The following PITRM1 variants were observed in gnomAD, a reference collection of about 807,000 sequenced individuals.
The protein encoded by PITRM1 is pitrilysin metallopeptidase 1.
Under a neutral mutation model 129.9 loss-of-function variants are expected in PITRM1, and 100 were observed. The ratio of observed to expected loss-of-function variants is 0.77; its 90% CI spans 0.65 to 0.91. PITRM1 has a LOEUF of 0.91. PITRM1 is among the 40% of genes least tolerant of loss of function. PITRM1 has a pLI of 0.00. For synonymous variants in PITRM1, 591 were observed against 508.8 expected (o/e 1.16, Z -2.17); for missense variants, 1,471 against 1,318.3 (o/e 1.12, Z -1.79).
At chr10:3,143,532 GTGC>G in intron 22 of PITRM1, 31 bp from the exon 23 acceptor site, 1 of 1,470,878 alleles carries the variant, frequency 6.8e-7, no homozygotes. Context: ...AGAGGCGGCT[GTGC>G]TGCCATGCAC....
At chr10:3,139,615 G>A (rs1383727721) in intron 24 of PITRM1, among the ~76,000 whole-genome samples, 1 of 152,232 alleles carries the variant, frequency 6.6e-6, no homozygotes, top group Non-Finnish European at 1.5e-5. Context: ...GAACTCATCA[G>A]AGTGGCAATG....
intron 15 of PITRM1, among the ~76,000 whole-genome samples, chr10:3,150,318 A>C (rs1841383134): frequency 2.0e-5 from 3 of 152,222 alleles, no homozygotes; most frequent in Non-Finnish European, 2.9e-5. Context: ...CACTCTTAGC[A>C]AACACTTAAT....
intron 2 of PITRM1, among the ~76,000 whole-genome samples, chr10:3,168,915 TACACACACACACACAC>T (rs61366911): frequency 0.012 from 1,748 of 142,902 alleles, 14 homozygotes; most frequent in Middle Eastern, 0.038. Context: ...AGTTTCCATC[TACACACACACACACAC>T]ACACACACAC....
In PITRM1 at chr10:3,138,332, C is replaced by T; in HGVS notation, c.2923G>A (p.Asp975Asn). ...APVAPSDKGMDHFLYGLSDEM... is the reference protein window; with the variant it reads ...APVAPSDKGMNHFLYGLSDEM... ...TCCGAGAGGCCGTACAAGAAGTGGT[C>T]CATTCCTAGAAGACAATCCACAGGC... Residue 975 changes from aspartate to asparagine, a missense_variant, in exon 26 of 27, where the codon GAC becomes AAC. Physicochemically the swap from Asp to Asn is conservative, Grantham distance 23. Coordinates refer to ENST00000224949, the MANE Select transcript of PITRM1 (RefSeq NM_014889.4). 1 of 1,611,752 alleles carries T rather than the reference C, an allele frequency of 6.2e-7. No individual in the cohort carries two copies. Among genetic ancestry groups the T allele is most frequent in the South Asian group, 1.1e-5 (1 of 91,046 alleles).
Position 3,172,712 on chromosome 10 carries a change from C to T in PITRM1, c.56+5G>A. 6.5e-7 allele frequency: 1 copy of T among 1,538,932 alleles called. No individual in the cohort carries two copies. The highest frequency in any genetic ancestry group is 8.7e-7 in the Non-Finnish European group (1 of 1,143,192). On this transcript the variant is annotated splice_donor_5th_base_variant and intron_variant, in intron 1 of 26. Coordinates refer to ENST00000224949, the MANE Select transcript of PITRM1 (RefSeq NM_014889.4). The stretch of plus-strand genomic sequence containing the variant: ...CGCCGAGCGCCTCCCGTCGCAGCGT[C>T]TCACCCGCCGCTCAGCCGCCTCAGC...
intron 14 of PITRM1, among the ~76,000 whole-genome samples, chr10:3,151,576 T>C (rs1370903277): frequency 6.6e-6 from 1 of 152,244 alleles, no homozygotes; most frequent in East Asian, 1.9e-4. Context: ...GCCCTTTTCC[T>C]AATTCTCATT....
chr10:3,166,914 G>A lies in PITRM1; in HGVS notation c.266+22C>T, dbSNP rs779824290. 17 of 1,379,062 alleles carry A rather than the reference G, an allele frequency of 1.2e-5. No individual in the cohort carries two copies. The South Asian group carries it at 2.0e-4, about 16-fold the overall frequency. The allele number at this position is 1,379,062 out of a possible 1,614,324, so 85.4% of individuals were successfully genotyped here. A position where few individuals can be genotyped will look rare whatever the true frequency, so the allele number is the denominator to read the frequency against. ...TTTAAATAAAAACATTCAAGACCAT[G>A]TTCTTACAATGCACCACACACCTGA... On this transcript the variant is annotated intron_variant, in intron 3 of 26. Coordinates refer to ENST00000224949, the MANE Select transcript of PITRM1 (RefSeq NM_014889.4).
chr10:3,138,400 A>C (rs1839805875), intron 25 of PITRM1, 63 bp from the exon 26 acceptor site: 1 of 1,093,884 alleles, frequency 9.1e-7, no homozygotes, highest in African/African-American at 1.5e-5. Context: ...TGGGCTGTGC[A>C]CTCATGTCCC....
chr10:3,168,958 ACAC>A (rs1843116893), intron 2 of PITRM1, among the ~76,000 whole-genome samples: 2 of 83,866 alleles, frequency 2.4e-5, no homozygotes. Flanking sequence ...ACACACACAC[ACAC>A]ACACAATTAG....
intron 15 of PITRM1, among the ~76,000 whole-genome samples, chr10:3,150,013 G>GT (rs1367048939): frequency 6.6e-6 from 1 of 152,104 alleles, no homozygotes; most frequent in Non-Finnish European, 1.5e-5. Flanking sequence ...GCGAGTTCCA[G>GT]TTACCCAACC....
intron 13 of PITRM1, among the ~76,000 whole-genome samples, chr10:3,156,034 T>C (rs954177471): frequency 2.0e-5 from 3 of 152,224 alleles, no homozygotes; most frequent in African/African-American, 7.2e-5. Context: ...TTTCATTACA[T>C]CTTAGTTGTA....
chr10:3,158,243 C>A, intron 10 of PITRM1, 90 bp from the exon 11 acceptor site: 1 of 743,628 alleles, frequency 1.3e-6, no homozygotes. Context: ...CAGAACGAAG[C>A]GCCTTAAACT....
rs370518108 is a variant in PITRM1 at position 3,159,965 on chromosome 10, GCA to G, written c.919-31_919-30del. Reference sequence around the variant, plus strand: ...TAAAATGACGTGACGTTGTGAGTAGGCACAGTGTCTGACGGTTGTCAACTACT... The same window carrying G: ...TAAAATGACGTGACGTTGTGAGTAGGCAGTGTCTGACGGTTGTCAACTACT... On this transcript the variant is annotated intron_variant, in intron 8 of 26. Coordinates refer to ENST00000224949, the MANE Select transcript of PITRM1 (RefSeq NM_014889.4). 2.4e-4 allele frequency: 362 copies of G among 1,484,248 alleles called. 1 individual carries two copies. In the African/African-American group the frequency reaches 3.8e-3, roughly 16 times the overall value. 91.9% of individuals were successfully genotyped at this position (1,484,248 alleles called of 1,614,324 possible). A position where few individuals can be genotyped will look rare whatever the true frequency, so the allele number is the denominator to read the frequency against.
At chr10:3,148,956 G>A (rs1841221563) in intron 16 of PITRM1, 1 of 152,354 alleles carries the variant, frequency 6.6e-6, no homozygotes, top group African/African-American at 2.4e-5. Flanking sequence ...CCAGGGTGCA[G>A]AAGGTGTCAC....
At chr10:3,165,873 C>G (rs1297337135) in intron 4 of PITRM1, among the ~76,000 whole-genome samples, 1 of 152,242 alleles carries the variant, frequency 6.6e-6, no homozygotes, top group Non-Finnish European at 1.5e-5. Context: ...TGTCACTCCC[C>G]CACAGAATGC....
intron 23 of PITRM1, chr10:3,141,701 C>A: frequency 2.1e-6 from 1 of 469,688 alleles, no homozygotes; most frequent in Non-Finnish European, 4.4e-6. Flanking sequence ...GTGGTGAGAT[C>A]AGCCCCAGGT....
intron 1 of PITRM1, among the ~76,000 whole-genome samples, chr10:3,170,958 CGGAAAAAAA>C (rs1244885105): frequency 6.6e-6 from 1 of 150,588 alleles, no homozygotes; most frequent in Admixed American, 6.6e-5. Flanking sequence ...GCAAGACTGT[CGGAAAAAAA>C]AGAAAAAAAT....
At chr10:3,167,524 C>G (rs930163194) in intron 2 of PITRM1, among the ~76,000 whole-genome samples, 3 of 152,184 alleles carry the variant, frequency 2.0e-5, no homozygotes, top group African/African-American at 7.2e-5. Flanking sequence ...GTCTGCCCTT[C>G]CCATGGTACC....
intron 19 of PITRM1, 21 bp from the exon 20 acceptor site, chr10:3,147,271 TCA>T (rs749050440): frequency 1.3e-6 from 2 of 1,549,592 alleles, no homozygotes; most frequent in Admixed American, 3.4e-5. Flanking sequence ...GGAAACTCGC[TCA>T]GAGAGAGGCA....
Sources: allele counts gnomAD v4.1 joint callset (sites outside exome capture counted in the v4.1 genomes callset), GRCh38; gene constraint gnomAD v4.1.1; transcripts MANE v1.5; gene names NCBI Gene and HGNC (gene_info 2026-07-23, HGNC 2026-07-21).